Variants in ALS2 observed in about 807,000 individuals in gnomAD.
ALS2 encodes the protein alsin Rho guanine nucleotide exchange factor ALS2, also known as alsin.
In ALS2, 117 loss-of-function variants were observed where a neutral mutation model predicts 203.4. That is an observed-to-expected ratio of 0.58 (90% CI 0.50 to 0.67). The LOEUF (loss-of-function observed/expected upper bound fraction) is 0.67, where lower values mean the gene tolerates loss of function less well. ALS2 is among the 30% of genes least tolerant of loss of function. The pLI, the probability that ALS2 is intolerant of heterozygous loss-of-function variation, is 0.00. For missense variants in ALS2, 1,715 were observed against 1,989.4 expected (o/e 0.86, Z 2.62); for synonymous variants, 718 against 725.9 (o/e 0.99, Z 0.17).
At chr2:201,730,322 C>T (rs1691478025) in intron 13 of ALS2, among the ~76,000 whole-genome samples, 1 of 152,072 alleles carries the variant, frequency 6.6e-6, no homozygotes, top group African/African-American at 2.4e-5. Flanking sequence ...TGGAAAATAT[C>T]GGTTGACTGA....
At chr2:201,755,200 G>A (rs910158912) in intron 5 of ALS2, among the ~76,000 whole-genome samples, 2 of 152,174 alleles carry the variant, frequency 1.3e-5, no homozygotes, top group Non-Finnish European at 2.9e-5. Flanking sequence ...AGGTTATAGT[G>A]TGTTATGACT....
In ALS2 at chr2:201,758,128, C is replaced by T. The variant is rs138324995; in HGVS notation, c.1114-369G>A. On this transcript the variant is annotated intron_variant, in intron 4 of 33. Coordinates refer to ENST00000264276, the MANE Select transcript of ALS2 (RefSeq NM_020919.4). ...CCAAGTGCACTGTGACAGCCCTGGA[C>T]AGAAGATTGAAAAAATGCAAATTTC... Among the ~76,000 whole-genome samples the T allele has an allele frequency of 5.9e-5, 9 of 151,768 alleles. No individual in the cohort carries two copies. In the East Asian group the frequency reaches 1.7e-3, roughly 29 times the overall value.
In ALS2 at chr2:201,768,866, C is replaced by G; in HGVS notation, c.20G>C (p.Ser7Thr). Reference sequence around the variant, plus strand: ...AGAGAAAAGGAAGAAATGATTTTACCTTCTCTTCTTTGAGTCCATCGGTCA... The same window carrying G: ...AGAGAAAAGGAAGAAATGATTTTACGTTCTCTTCTTTGAGTCCATCGGTCA... MDSKKR[S>T]STEAEGSKER... The change falls in exon 2 of 34, where the codon AGC becomes ACC. Residue 7 changes from serine (S) to threonine (T), a missense_variant and splice_region_variant. By Grantham distance (58) the Ser-to-Thr change is moderately conservative (BLOSUM62 1). Coordinates refer to ENST00000264276, the MANE Select transcript of ALS2 (RefSeq NM_020919.4). The G allele has an allele frequency of 6.2e-7, 1 of 1,613,314 alleles. No individual in the cohort carries two copies. Among genetic ancestry groups the G allele is most frequent in the African/African-American group, 1.3e-5 (1 of 75,000 alleles).
intron 13 of ALS2, 47 bp downstream of exon 13, chr2:201,733,229 G>C (rs756474455): frequency 6.3e-7 from 1 of 1,596,886 alleles, no homozygotes; most frequent in South Asian, 1.1e-5. Flanking sequence ...AAACAACTAT[G>C]ATCCTTGGCT....
chr2:201,724,573 T>A, intron 20 of ALS2, 114 bp from the exon 21 acceptor site: 1 of 1,097,220 alleles, frequency 9.1e-7, no homozygotes, highest in Non-Finnish European at 1.4e-6. Flanking sequence ...CTATAATTAT[T>A]TGTTTATATG....
chr2:201,768,023 G>A (rs1038197612), intron 2 of ALS2, among the ~76,000 whole-genome samples: 2 of 152,110 alleles, frequency 1.3e-5, no homozygotes, highest in Admixed American at 1.3e-4. Context: ...TTCACTCCTT[G>A]TTGAGATATC....
Position 201,761,291 on chromosome 2 carries a change from A to G in ALS2, c.703T>C (p.Cys235Arg). The G allele has an allele frequency of 6.2e-7, 1 of 1,614,148 alleles. No individual in the cohort carries two copies. The highest frequency in any genetic ancestry group is 8.5e-7 in the Non-Finnish European group (1 of 1,180,044). ...LKPVPERCNQ[C>R]SQLLITMTDK... ...GTCATAGTAATCAAGAGCTGGCTGC[A>G]CTGGTTGCATCGTTCTGGGACTGGC... The change falls in exon 4 of 34, where the codon TGC becomes CGC. Residue 235 changes from cysteine to arginine, a missense_variant. Around this residue, in one of 3 missense-constraint regions of ALS2, gnomAD observed 476 missense variants for 539.3 expected, o/e 0.88. Transcript: ENST00000264276.
At chr2:201,773,329 A>G (rs895140150) in intron 1 of ALS2, among the ~76,000 whole-genome samples, 3 of 152,166 alleles carry the variant, frequency 2.0e-5, no homozygotes, top group Admixed American at 2.0e-4. Flanking sequence ...CTTAAGTTTC[A>G]TACAATGCTG....
At chr2:201,734,467 CAA>C (rs576164468) in intron 12 of ALS2, among the ~76,000 whole-genome samples, 6 of 132,270 alleles carry the variant, frequency 4.5e-5, no homozygotes, top group Admixed American at 7.7e-5. Context: ...CAGCCTGTCT[CAA>C]AAAAAAAAAA....
intron 12 of ALS2, chr2:201,738,400 TAAAG>T: frequency 4.2e-6 from 2 of 477,074 alleles, no homozygotes. Flanking sequence ...CCTACTGAGG[TAAAG>T]AGAGTTGTCC....
At chr2:201,706,658 T>TCATA (rs1689737902) in intron 29 of ALS2, among the ~76,000 whole-genome samples, 188 bp downstream of exon 29, 1 of 150,870 alleles carries the variant, frequency 6.6e-6, no homozygotes, top group Non-Finnish European at 1.5e-5. Context: ...TCAGCAGGTT[T>TCATA]CATACTCATC....
rs145188134 is a variant in ALS2, at chr2:201,747,456, C to T, written c.1816-708G>A. Among the ~76,000 whole-genome samples the T allele has an allele frequency of 1.8e-3, 242 of 132,474 alleles. 13 individuals carry two copies. In the East Asian group the frequency reaches 0.038, roughly 21 times the overall value. The allele number at this position is 132,474 out of a possible 152,430, so 86.9% of individuals were successfully genotyped here. A position where few individuals can be genotyped will look rare whatever the true frequency, so the allele number is the denominator to read the frequency against. ...GGAATGGGGAATAGAGTCCAGCACT[C>T]GGTCGCTTTTTTTTTTTTTTTTGAG... On this transcript the variant is annotated intron_variant, in intron 8 of 33. Coordinates refer to ENST00000264276, the MANE Select transcript of ALS2 (RefSeq NM_020919.4).
At chr2:201,736,933 C>T (rs1445972276) in intron 12 of ALS2, among the ~76,000 whole-genome samples, 7 of 152,118 alleles carry the variant, frequency 4.6e-5, no homozygotes, top group Non-Finnish European at 7.4e-5. Flanking sequence ...CTCCCTACAG[C>T]AAATGCCCCC....
At chr2:201,720,142 C>A (rs1240375206) in intron 23 of ALS2, 1 of 435,570 alleles carries the variant, frequency 2.3e-6, no homozygotes, top group Non-Finnish European at 4.5e-6. Context: ...ATATCAAAGA[C>A]AGACAAAGAC....
At chr2:201,772,487 T>C (rs1223912125) in intron 1 of ALS2, among the ~76,000 whole-genome samples, 1 of 152,018 alleles carries the variant, frequency 6.6e-6, no homozygotes, top group Non-Finnish European at 1.5e-5. Context: ...TATGAGGTTA[T>C]TTATCACTTT....
rs1364690786 is a variant in ALS2, at chr2:201,708,038, G to A, written c.4281-47C>T. On this transcript the variant is annotated intron_variant, in intron 27 of 33. Coordinates refer to ENST00000264276, the MANE Select transcript of ALS2 (RefSeq NM_020919.4). ...AATTATACAATTATACCTCTAGGGGGGTTGAAAAGCATAAAAACACATTTC... is the reference window on the plus strand; with the variant it reads ...AATTATACAATTATACCTCTAGGGGAGTTGAAAAGCATAAAAACACATTTC... 1.9e-6 allele frequency: 3 copies of A among 1,569,226 alleles called. No individual in the cohort carries two copies. In the Admixed American group the frequency reaches 5.1e-5, roughly 27 times the overall value.
rs779859230 is a variant in ALS2, at chr2:201,753,228, C to G, written c.1655G>C (p.Cys552Ser). The part of the protein sequence containing the change: ...GDVLPRLQPL[C>S]VKCLDGKEVI... ...TTCTTTGCCATCCAGACATTTTACA[C>G]ACAACGGTTGAAGCCTTAAAAAGAA... The change falls in exon 7 of 34, where the codon TGT (cysteine) becomes TCT (serine). Residue 552 changes from cysteine to serine, a missense_variant. Physicochemically the swap from Cys to Ser is moderately radical, Grantham distance 112. Transcript: ENST00000264276. The G allele has an allele frequency of 9.9e-6, 16 of 1,613,954 alleles. No homozygotes were observed. The highest frequency in any genetic ancestry group is 1.3e-5 in the African/African-American group (1 of 74,934).
intron 7 of ALS2, among the ~76,000 whole-genome samples, chr2:201,750,311 C>T (rs979895514): frequency 3.3e-5 from 5 of 152,140 alleles, no homozygotes; most frequent in African/African-American, 1.2e-4. Flanking sequence ...ATGATTCATT[C>T]TCACAACAAT....
intron 8 of ALS2, among the ~76,000 whole-genome samples, chr2:201,748,666 G>GT (rs1426288206): frequency 3.3e-5 from 5 of 152,136 alleles, no homozygotes; most frequent in Non-Finnish European, 5.9e-5. Context: ...TTGTGATAAT[G>GT]TATCAGAAAC....
Sources: gnomAD v4.1 joint callset for allele counts (sites outside exome capture counted in the v4.1 genomes callset) on GRCh38, gnomAD v4.1.1 for gene constraint, gnomAD v4.1.1 regional missense constraint, MANE v1.5 for transcripts, NCBI Gene and HGNC (gene_info 2026-07-23, HGNC 2026-07-21) for gene names.